Variants in NR2C2 observed in about 807,000 individuals in gnomAD.
NR2C2 encodes nuclear receptor subfamily 2 group C member 2.
A neutral mutation model predicts 62.9 loss-of-function variants in NR2C2; 6 were observed. The observed-to-expected ratio is 0.10, with a 90% confidence interval of 0.05 to 0.19. The LOEUF (loss-of-function observed/expected upper bound fraction) is 0.19, where lower values mean the gene tolerates loss of function less well. Ranked by LOEUF, NR2C2 falls within the 10% of genes least tolerant of loss-of-function variation. The pLI is 1.00. For missense variants in NR2C2, 479 were observed against 762.7 expected, an observed-to-expected ratio of 0.63 and a Z score of 4.38; for synonymous variants, 272 against 273.8, an observed-to-expected ratio of 0.99 and a Z score of 0.07.
chr3:14,991,513 T>C (rs1056490642), intron 1 of NR2C2, among the ~76,000 whole-genome samples: 3 of 152,202 alleles, frequency 2.0e-5, no homozygotes, highest in African/African-American at 7.2e-5. Flanking sequence ...ACTTAAGGGT[T>C]TTACATTGTT....
At chr3:15,020,674 C>T (rs2041646879) in intron 4 of NR2C2, 79 bp from the exon 5 acceptor site, 2 of 1,515,572 alleles carry the variant, frequency 1.3e-6, no homozygotes, top group East Asian at 2.3e-5. Context: ...GAGACTTGCA[C>T]AGGAACTGAC....
chr3:15,019,436 T>G (rs1297945248), intron 4 of NR2C2, among the ~76,000 whole-genome samples: 1 of 152,078 alleles, frequency 6.6e-6, no homozygotes, highest in African/African-American at 2.4e-5. Context: ...CCAAAGGAAA[T>G]AAAATCATTA....
chr3:15,015,700 T>G (rs1198824008), intron 3 of NR2C2, among the ~76,000 whole-genome samples: 1 of 152,196 alleles, frequency 6.6e-6, no homozygotes, highest in Non-Finnish European at 1.5e-5. Context: ...GGTGTCAGAT[T>G]AAGTTGTCTT....
At chr3:15,010,093 G>T (rs901752628) in intron 2 of NR2C2, among the ~76,000 whole-genome samples, 1 of 152,040 alleles carries the variant, frequency 6.6e-6, no homozygotes, top group Non-Finnish European at 1.5e-5. Flanking sequence ...TCTTTTCAGG[G>T]GGTACAGTTC....
At chr3:14,979,985 ATGG>A (rs1439572211) in intron 1 of NR2C2, among the ~76,000 whole-genome samples, 5 of 152,238 alleles carry the variant, frequency 3.3e-5, no homozygotes, top group East Asian at 1.9e-4. Flanking sequence ...CTCTTCCTTG[ATGG>A]TGGGCAAATT....
intron 1 of NR2C2, 104 bp from the exon 2 acceptor site, chr3:15,003,772 G>A: frequency 1.4e-6 from 1 of 697,696 alleles, no homozygotes; most frequent in Non-Finnish European, 2.5e-6. Context: ...AACCATACAA[G>A]TTCATCACTC....
At chr3:14,989,824 C>T (rs1339220899) in intron 1 of NR2C2, among the ~76,000 whole-genome samples, 3 of 146,914 alleles carry the variant, frequency 2.0e-5, no homozygotes, top group East Asian at 2.1e-4. Flanking sequence ...CCCAGCTACT[C>T]GAGAGGTGGA....
chr3:15,038,917 C>T (rs1376187687), intron 12 of NR2C2: 4 of 566,048 alleles, frequency 7.1e-6, no homozygotes, highest in Non-Finnish European at 1.3e-5. Flanking sequence ...CTCAGGGTCC[C>T]CGACCCGCTC....
chr3:14,983,643 T>C lies in NR2C2; in HGVS notation c.-39-20233T>C, dbSNP rs1385986400. On this transcript the variant is annotated intron_variant, in intron 1 of 13. Coordinates refer to ENST00000425241, the MANE Select transcript of NR2C2 (RefSeq NM_001291694.2). ...CTCCTCCCTCCTATAATAATGTATA[T>C]AAAATGAGAATTATTTGGTCCTTAA... Among the ~76,000 whole-genome samples the C allele has an allele frequency of 2.0e-5, 3 of 152,166 alleles. No homozygotes were observed. In the East Asian group the frequency reaches 5.8e-4, roughly 29 times the overall value.
rs946437682 is a variant in NR2C2 at position 15,024,125 on chromosome 3, C to A, written c.715C>A (p.Leu239Ile). 1.7e-5 allele frequency: 27 copies of A among 1,612,254 alleles called. No homozygotes were observed. The highest frequency in any genetic ancestry group is 2.2e-5 in the Non-Finnish European group (26 of 1,178,882). ...ADKDGARQTG[L>I]LDPGMLVNIQ... Reference sequence around the variant, plus strand: ...TTATGTCTTAAATAGACAAACAGGTCTTCTTGATCCAGGGATGCTTGTGAA... The same window carrying A: ...TTATGTCTTAAATAGACAAACAGGTATTCTTGATCCAGGGATGCTTGTGAA... Residue 239 changes from leucine (L) to isoleucine (I), a missense_variant, in exon 7 of 14, where the codon CTT (leucine) becomes ATT (isoleucine). Physicochemically the swap from Leu to Ile is conservative, Grantham distance 5 (BLOSUM62 2). Coordinates refer to ENST00000425241, the MANE Select transcript of NR2C2 (RefSeq NM_001291694.2).
intron 1 of NR2C2, among the ~76,000 whole-genome samples, chr3:14,989,419 T>C (rs554718532): frequency 6.6e-6 from 1 of 152,326 alleles, no homozygotes; most frequent in Non-Finnish European, 1.5e-5. Flanking sequence ...GTTGTTCTTG[T>C]GGGTCTTTTC....
intron 3 of NR2C2, among the ~76,000 whole-genome samples, chr3:15,014,109 A>G (rs1194728265): frequency 6.6e-6 from 1 of 152,192 alleles, no homozygotes; most frequent in Non-Finnish European, 1.5e-5. Context: ...GCAGCCCTTG[A>G]TATTTTAAAG....
At chr3:15,005,426 A>G (rs1254735096) in intron 2 of NR2C2, among the ~76,000 whole-genome samples, 1 of 142,946 alleles carries the variant, frequency 7.0e-6, no homozygotes, top group African/African-American at 2.6e-5. Flanking sequence ...CATGTTGCCA[A>G]GGTGGGTCTC....
In NR2C2 at chr3:14,969,244, C is replaced by CTT. The variant is rs35048015; in HGVS notation, c.-40+21356_-40+21357dup. On this transcript the variant is annotated intron_variant, in intron 1 of 13. Transcript: ENST00000425241. ...TTTCTTCATTGCCTAAATAAAGATT[C>CTT]TTTTTTTTTTTTTTTTTTTGAAACA... 6.4e-3 allele frequency among the ~76,000 whole-genome samples: 800 copies of CTT among 125,784 alleles called. 5 individuals are homozygous for CTT. The highest frequency in any genetic ancestry group is 0.017 in the African/African-American group (586 of 33,724). The allele number at this position is 125,784 out of a possible 152,430, so 82.5% of individuals were successfully genotyped here. A position where few individuals can be genotyped will look rare whatever the true frequency, so the allele number is the denominator to read the frequency against.
intron 13 of NR2C2, among the ~76,000 whole-genome samples, chr3:15,039,977 C>T (rs59943077): frequency 0.014 from 2,063 of 151,504 alleles, 51 homozygotes; most frequent in African/African-American, 0.047. Flanking sequence ...GGTGAAACCC[C>T]GTCTCTACTA....
intron 1 of NR2C2, among the ~76,000 whole-genome samples, chr3:14,986,955 T>A (rs35741051): frequency 0.11 from 16,740 of 152,302 alleles, 1,080 homozygotes; most frequent in Middle Eastern, 0.17. Flanking sequence ...CTAGTTTTTT[T>A]AAATCTTTAG....
intron 1 of NR2C2, among the ~76,000 whole-genome samples, chr3:14,995,928 T>C (rs940061758): frequency 4.6e-5 from 7 of 152,208 alleles, no homozygotes; most frequent in African/African-American, 1.2e-4. Context: ...TCCAGTGATA[T>C]TGAATATTTT....
At position 15,021,009 on chromosome 3, in the gene NR2C2, A is replaced by C; in HGVS notation, c.556+77A>C. ...AATGAGTCCATTAAATAAGGTTTCT[A>C]TACCTGGCCTTAAAATACTTTAAGA... is the stretch of plus-strand genomic sequence containing the variant. On this transcript the variant is annotated intron_variant, in intron 5 of 13. Transcript: ENST00000425241. The C allele has an allele frequency of 5.8e-6, 8 of 1,384,746 alleles. No individual in the cohort carries two copies. The South Asian group carries it at 1.0e-4, about 18-fold the overall frequency. 85.8% of individuals were successfully genotyped at this position (1,384,746 alleles called of 1,614,324 possible).
At chr3:14,963,705 C>T (rs1385646130) in intron 1 of NR2C2, among the ~76,000 whole-genome samples, 2 of 152,238 alleles carry the variant, frequency 1.3e-5, no homozygotes, top group Middle Eastern at 3.4e-3. Flanking sequence ...CTCCTGACCT[C>T]GTGATCCGCC....
Sources: allele counts gnomAD v4.1 joint callset (sites outside exome capture counted in the v4.1 genomes callset), GRCh38; gene constraint gnomAD v4.1.1; transcripts MANE v1.5; gene names NCBI Gene and HGNC (gene_info 2026-07-23, HGNC 2026-07-21).